ADAMTSL1: variants seen among roughly 807,000 people sequenced by gnomAD.
ADAMTSL1 encodes ADAMTS like 1, also known as ADAMTS-like protein 1.
ADAMTSL1 carries 126 observed loss-of-function variants against 201.8 expected under a neutral mutation model. The observed-to-expected ratio is 0.62, with a 90% CI of 0.54 to 0.72. The LOEUF is 0.72. ADAMTSL1 is among the 30% of genes least tolerant of loss of function. The pLI, the probability that ADAMTSL1 is intolerant of heterozygous loss-of-function variation, is 0.00. For missense variants in ADAMTSL1, 2,679 were observed against 2,277.8 expected (o/e 1.18, Z -3.59); for synonymous variants, 1,121 against 903.4 (o/e 1.24, Z -4.32).
intron 1 of ADAMTSL1, among the ~76,000 whole-genome samples, chr9:18,033,476 G>A (rs1389050745): frequency 1.3e-5 from 2 of 152,178 alleles, no homozygotes; most frequent in Non-Finnish European, 2.9e-5. Flanking sequence ...ATTGAGTGAA[G>A]CTCCTCTAGT....
intron 1 of ADAMTSL1, among the ~76,000 whole-genome samples, chr9:18,135,930 T>A (rs1383439559): frequency 2.0e-5 from 3 of 152,120 alleles, no homozygotes; most frequent in Non-Finnish European, 2.9e-5. Context: ...TCACAAACAG[T>A]CCTCTGAGAA....
chr9:18,483,358 T>G (rs1214411341), intron 1 of ADAMTSL1, among the ~76,000 whole-genome samples: 1 of 152,202 alleles, frequency 6.6e-6, no homozygotes, highest in African/African-American at 2.4e-5. Context: ...TGTTTCCTTG[T>G]GTCTGTTCTC....
intron 1 of ADAMTSL1, among the ~76,000 whole-genome samples, chr9:17,916,534 A>G (rs1373601589): frequency 6.6e-6 from 1 of 152,038 alleles, no homozygotes; most frequent in Admixed American, 6.6e-5. Flanking sequence ...TGGCCTATGG[A>G]TGTTAAATTG....
intron 1 of ADAMTSL1, among the ~76,000 whole-genome samples, chr9:17,937,092 G>T (rs573441613): frequency 4.6e-5 from 7 of 152,222 alleles, no homozygotes; most frequent in African/African-American, 1.7e-4. Flanking sequence ...TGTTGTTGGT[G>T]CCTCATCCAT....
chr9:18,598,355 C>T (rs1260528196), intron 4 of ADAMTSL1, among the ~76,000 whole-genome samples: 3 of 152,144 alleles, frequency 2.0e-5, no homozygotes, highest in African/African-American at 2.4e-5. Context: ...TCTTCTGGCT[C>T]CAAGTCCACT....
At chr9:18,200,901 A>G (rs971439493) in intron 2 of ADAMTSL1, among the ~76,000 whole-genome samples, 10 of 152,012 alleles carry the variant, frequency 6.6e-5, no homozygotes, top group African/African-American at 2.4e-4. Flanking sequence ...ACTTTTTTGC[A>G]GAGATAAACA....
intron 2 of ADAMTSL1, among the ~76,000 whole-genome samples, chr9:18,405,392 A>G (rs1228106559): frequency 2.0e-5 from 3 of 152,196 alleles, no homozygotes. Flanking sequence ...GACAATAGTG[A>G]TGACACAGAA....
At chr9:18,180,557 A>G (rs1005006323) in intron 2 of ADAMTSL1, among the ~76,000 whole-genome samples, 4 of 144,106 alleles carry the variant, frequency 2.8e-5, no homozygotes, top group African/African-American at 7.6e-5. Flanking sequence ...AAAAAAAAAT[A>G]CCTAAGAATC....
At chr9:18,353,901 A>T (rs570311651) in intron 2 of ADAMTSL1, among the ~76,000 whole-genome samples, 4 of 152,190 alleles carry the variant, frequency 2.6e-5, no homozygotes, top group African/African-American at 9.6e-5. Flanking sequence ...AAATTCAGTC[A>T]ATTATAAAGA....
At chr9:18,150,007 GA>G (rs749245333) in intron 1 of ADAMTSL1, among the ~76,000 whole-genome samples, 63 of 152,076 alleles carry the variant, frequency 4.1e-4, no homozygotes, top group Non-Finnish European at 8.4e-4. Flanking sequence ...AACACATTTG[GA>G]AAGGCTGGAC....
intron 1 of ADAMTSL1, among the ~76,000 whole-genome samples, chr9:18,060,379 T>A (rs1822394082): frequency 6.6e-6 from 1 of 152,176 alleles, no homozygotes; most frequent in Non-Finnish European, 1.5e-5. Context: ...AAAACAACCC[T>A]ATGGGCTAAG....
chr9:18,829,907 C>G lies in ADAMTSL1; in HGVS notation c.4179C>G (p.Asn1393Lys). ...IRALLAATGP[N>K]LPSVLTSPLG... The stretch of plus-strand genomic sequence containing the variant: ...CCTTGCTCGCTGCCACTGGACCGAA[C>G]CTTCCTTCAGTGCTGACGTCTCCTC... The change falls in exon 23 of 29, where the codon AAC becomes AAG. Residue 1393 changes from asparagine to lysine, a missense_variant. Transcript: ENST00000380548. 6.2e-7 allele frequency: 1 copy of G among 1,613,932 alleles called. No individual in the cohort carries two copies. Among genetic ancestry groups the G allele is most frequent in the Non-Finnish European group, 8.5e-7 (1 of 1,179,884 alleles).
chr9:17,966,547 A>G (rs72695993), intron 1 of ADAMTSL1, among the ~76,000 whole-genome samples: 6,732 of 152,198 alleles, frequency 0.044, 228 homozygotes, highest in Non-Finnish European at 0.06. Flanking sequence ...AGTTTTATCA[A>G]CAAAATGTGA....
chr9:18,903,459 A>C (rs984028502), intron 26 of ADAMTSL1, among the ~76,000 whole-genome samples: 5 of 152,236 alleles, frequency 3.3e-5, no homozygotes, highest in African/African-American at 1.2e-4. Context: ...ATGAGGAAAG[A>C]GACTAGAGAG....
At chr9:18,140,811 C>T (rs1826366641) in intron 1 of ADAMTSL1, among the ~76,000 whole-genome samples, 2 of 152,040 alleles carry the variant, frequency 1.3e-5, no homozygotes, top group Non-Finnish European at 2.9e-5. Flanking sequence ...TGCACACCAT[C>T]AAAAAATTAT....
chr9:18,044,223 C>G (rs1044494189), intron 1 of ADAMTSL1, among the ~76,000 whole-genome samples: 2 of 151,678 alleles, frequency 1.3e-5, no homozygotes, highest in African/African-American at 4.9e-5. Flanking sequence ...AACAGATGGT[C>G]AGAAAAGAGA....
At chr9:18,089,257 C>T (rs981839309) in intron 1 of ADAMTSL1, among the ~76,000 whole-genome samples, 5 of 152,186 alleles carry the variant, frequency 3.3e-5, no homozygotes, top group Non-Finnish European at 7.4e-5. Context: ...AAAAGTGGCA[C>T]ATATATACCA....
chr9:18,136,581 C>T (rs1826167346), intron 1 of ADAMTSL1, among the ~76,000 whole-genome samples: 1 of 151,972 alleles, frequency 6.6e-6, no homozygotes, highest in South Asian at 2.1e-4. Context: ...AGGGCTAGCT[C>T]TGTTTGTGGA....
At chr9:18,849,193 T>A (rs1034024958) in intron 23 of ADAMTSL1, among the ~76,000 whole-genome samples, 1 of 151,800 alleles carries the variant, frequency 6.6e-6, no homozygotes, top group Admixed American at 6.5e-5. Flanking sequence ...TTAAGTGATT[T>A]AAAACAGGAC....
Sources: gnomAD v4.1 joint callset for allele counts (sites outside exome capture counted in the v4.1 genomes callset) on GRCh38, gnomAD v4.1.1 for gene constraint, MANE v1.5 for transcripts, NCBI Gene and HGNC (gene_info 2026-07-23, HGNC 2026-07-21) for gene names.